OSGEP: variants seen among roughly 807,000 people sequenced by gnomAD.
OSGEP encodes the protein tRNA N6-adenosine threonylcarbamoyltransferase.
OSGEP carries 39 observed loss-of-function variants against 44.1 expected under a neutral mutation model. That is an observed-to-expected ratio of 0.88 (90% CI 0.69 to 1.16). OSGEP has a LOEUF of 1.16. Among genes scored for constraint, OSGEP ranks in the 50% most tolerant of loss-of-function variants. The probability of loss-of-function intolerance (pLI) is 0.00; values close to 1 mark genes in which losing one functional copy is unlikely to be tolerated. For synonymous variants in OSGEP, 139 were observed against 161.9 expected (o/e 0.86, Z 1.07); for missense variants, 403 against 443.1 (o/e 0.91, Z 0.81).
At position 20,452,062 on chromosome 14, in the gene OSGEP, T is replaced by G. The variant is rs1594408776; in HGVS notation, c.323A>C (p.Asn108Thr). ...QLWNKPLVGVNHCIGHIEMGR... is the reference protein window; with the variant it reads ...QLWNKPLVGVTHCIGHIEMGR... ...CATCTCAATGTGGCCTATACAGTGG[T>G]TCACACCCACCAATGGCTTATTCCA... The change falls in exon 3 of 11, where the codon AAC (asparagine) becomes ACC (threonine). Residue 108 changes from asparagine to threonine, a missense_variant. By Grantham distance (65) the Asn-to-Thr change is moderately conservative. Coordinates refer to ENST00000206542, the MANE Select transcript of OSGEP (RefSeq NM_017807.4). The G allele has an allele frequency of 1.2e-6, 2 of 1,613,912 alleles. No homozygotes were observed. The highest frequency in any genetic ancestry group is 1.7e-6 in the Non-Finnish European group (2 of 1,180,000).
rs761723895 is a variant in OSGEP at position 20,450,045 on chromosome 14, CT to C, written c.412-780del. ...ATTCACTTAAGGCCATTTTTCTTTT[CT>C]TTTTTTTTTTTTTCTGAGACAGAGT... On this transcript the variant is annotated intron_variant, in intron 3 of 10. Coordinates refer to ENST00000206542, the MANE Select transcript of OSGEP (RefSeq NM_017807.4). 3.1e-4 allele frequency: 28 copies of C among 89,796 alleles called. 1 individual carries two copies. Among genetic ancestry groups the C allele is most frequent in the East Asian group, 1.0e-3 (4 of 3,822 alleles). The allele number at this position is 89,796 out of a possible 1,614,324, so 5.6% of individuals were successfully genotyped here. A position where few individuals can be genotyped will look rare whatever the true frequency, so the allele number is the denominator to read the frequency against.
intron 1 of OSGEP, 28 bp downstream of exon 1, chr14:20,454,541 A>G: frequency 6.7e-7 from 1 of 1,488,536 alleles, no homozygotes; most frequent in Non-Finnish European, 9.4e-7. Flanking sequence ...AAGTGCGCGG[A>G]AAACTCTTAA....
At position 20,446,482 on chromosome 14, in the gene OSGEP, G is replaced by A. The variant is rs1880948320; in HGVS notation, c.*758C>T. 1 of 152,210 alleles carries A rather than the reference G, an allele frequency of 6.6e-6. No homozygotes were observed. The highest frequency in any genetic ancestry group is 2.4e-5 in the African/African-American group (1 of 41,432). The allele number at this position is 152,210 out of a possible 1,614,324, so 9.4% of individuals were successfully genotyped here. A position where few individuals can be genotyped will look rare whatever the true frequency, so the allele number is the denominator to read the frequency against. On this transcript the variant is annotated 3_prime_UTR_variant, in exon 11 of 11. Transcript: ENST00000206542. The stretch of plus-strand genomic sequence containing the variant: ...GACAAGGTTTTGTTCTGTCACTCAG[G>A]CTGGAATGCAGTGGCTCAATCACAG...
Position 20,447,171 on chromosome 14 carries a change from T to G in OSGEP, c.*69A>C. ...TGCTAGGACTCCCATGACATCAGGA[T>G]AGAGATTGAGGCACGGGGTCCTTTG... On this transcript the variant is annotated 3_prime_UTR_variant, in exon 11 of 11. Transcript: ENST00000206542. The G allele has an allele frequency of 5.2e-6, 7 of 1,337,762 alleles. No individual in the cohort carries two copies. Among genetic ancestry groups the G allele is most frequent in the Non-Finnish European group, 7.5e-6 (7 of 928,368 alleles). 82.9% of individuals were successfully genotyped at this position (1,337,762 alleles called of 1,614,324 possible).
intron 3 of OSGEP, 140 bp from the exon 4 acceptor site, chr14:20,449,406 G>T: frequency 1.5e-6 from 1 of 650,774 alleles, no homozygotes. Flanking sequence ...CCCAAATGGT[G>T]AATGGGTAGT....
At chr14:20,449,624 A>G (rs953526761) in intron 3 of OSGEP, 3 of 256,588 alleles carry the variant, frequency 1.2e-5, no homozygotes, top group Admixed American at 5.0e-5. Flanking sequence ...GAATCCTTCT[A>G]AATTATGACA....
chr14:20,448,254 G>A (rs900597605), intron 6 of OSGEP, 83 bp from the exon 7 acceptor site: 1 of 1,083,596 alleles, frequency 9.2e-7, no homozygotes, highest in Non-Finnish European at 1.4e-6. Context: ...CATTCGGAGG[G>A]TCATCATGTT....
chr14:20,449,346 G>C (rs1594407479), intron 3 of OSGEP, 80 bp from the exon 4 acceptor site: 3 of 837,284 alleles, frequency 3.6e-6, no homozygotes, highest in Non-Finnish European at 6.2e-6. Context: ...CATAGCAGAG[G>C]ATCAACATGA....
At position 20,447,666 on chromosome 14, in the gene OSGEP, A is replaced by G. The variant is rs1880983070; in HGVS notation, c.818T>C (p.Met273Thr). 1.9e-6 allele frequency: 3 copies of G among 1,614,060 alleles called. No homozygotes were observed. The highest frequency in any genetic ancestry group is 1.3e-5 in the African/African-American group (1 of 75,050). Residue 273 changes from methionine to threonine, a missense_variant, in exon 9 of 11, where the codon ATG becomes ACG. Transcript: ENST00000206542. ...TCCACGTTCCTGGCACATTGTTGCC[A>G]TCATCTCCTGTAGCCTCACATTACC... ...VGCNVRLQEM[M>T]ATMCQERGAR...
chr14:20,453,746 G>T (rs747681930), intron 1 of OSGEP, among the ~76,000 whole-genome samples: 4 of 152,286 alleles, frequency 2.6e-5, no homozygotes, highest in African/African-American at 9.6e-5. Flanking sequence ...GACCAGGCCC[G>T]AGCGGTGGCT....
rs758695968 is a variant in OSGEP, at chr14:20,449,200, A to T, written c.478T>A (p.Cys160Ser). The stretch of plus-strand genomic sequence containing the variant: ...AGCACTCGAGCAAAACGATCCAGAC[A>T]ATTACCCACTGCAATATCGATGGTT... ...GETIDIAVGNCLDRFARVLKI... is the reference protein window; with the variant it reads ...GETIDIAVGNSLDRFARVLKI... The change falls in exon 4 of 11, where the codon TGT (cysteine) becomes AGT (serine). Residue 160 changes from cysteine to serine, a missense_variant. Coordinates refer to ENST00000206542, the MANE Select transcript of OSGEP (RefSeq NM_017807.4). The T allele has an allele frequency of 6.2e-7, 1 of 1,613,198 alleles. No individual in the cohort carries two copies. Among genetic ancestry groups the T allele is most frequent in the Non-Finnish European group, 8.5e-7 (1 of 1,179,108 alleles).
intron 4 of OSGEP, 59 bp from the exon 5 acceptor site, chr14:20,449,072 G>A: frequency 1.3e-6 from 2 of 1,521,048 alleles, no homozygotes; most frequent in East Asian, 2.3e-5. Context: ...CAGATATGCA[G>A]GAAGCATAAG....
Position 20,448,127 on chromosome 14 carries a change from C to A in OSGEP, c.681G>T (p.Glu227Asp). Reference protein sequence around the residue: ...RMLATGECTPEDLCFSLQETV... With the variant: ...RMLATGECTPDDLCFSLQETV... ...TTACCTGCAGGGAGAAACACAGATCCTCAGGAGTACACTCGCCTGTGGCCA... is the reference window on the plus strand; with the variant it reads ...TTACCTGCAGGGAGAAACACAGATCATCAGGAGTACACTCGCCTGTGGCCA... Residue 227 changes from glutamate (E) to aspartate (D), a missense_variant, in exon 7 of 11, where the codon GAG (glutamate) becomes GAT (aspartate). Physicochemically the swap from Glu to Asp is conservative, Grantham distance 45. Transcript: ENST00000206542. The A allele has an allele frequency of 1.2e-6, 2 of 1,613,664 alleles. No homozygotes were observed. Among genetic ancestry groups the A allele is most frequent in the Non-Finnish European group, 1.7e-6 (2 of 1,179,542 alleles).
Position 20,454,789 on chromosome 14 carries a change from G to T in OSGEP, c.-106C>A. Reference sequence around the variant, plus strand: ...CGCAGCTTTCCGGAGCGCAGAGGAAGCTGGCCAGCCTGCAGATAGCACTGG... The same window carrying T: ...CGCAGCTTTCCGGAGCGCAGAGGAATCTGGCCAGCCTGCAGATAGCACTGG... On this transcript the variant is annotated 5_prime_UTR_variant, in exon 1 of 11. Transcript: ENST00000206542. The T allele has an allele frequency of 1.2e-6, 1 of 804,114 alleles. No homozygotes were observed. The highest frequency in any genetic ancestry group is 2.0e-6 in the Non-Finnish European group (1 of 493,526). 49.8% of individuals were successfully genotyped at this position (804,114 alleles called of 1,614,324 possible). A position where few individuals can be genotyped will look rare whatever the true frequency, so the allele number is the denominator to read the frequency against.
At chr14:20,449,460 T>C (rs1881039943) in intron 3 of OSGEP, 194 bp from the exon 4 acceptor site, 2 of 566,802 alleles carry the variant, frequency 3.5e-6, no homozygotes, top group Admixed American at 3.0e-5. Context: ...ACCCTGAGGA[T>C]TCCAGGAACA....
intron 1 of OSGEP, among the ~76,000 whole-genome samples, chr14:20,454,209 C>G (rs1311037900): frequency 4.6e-5 from 7 of 152,034 alleles, no homozygotes; most frequent in Non-Finnish European, 8.8e-5. Flanking sequence ...TTCAGGGCAA[C>G]TGGAATCTAT....
rs528506377 is a variant in OSGEP at position 20,447,443 on chromosome 14, C to G, written c.947G>C (p.Ser316Thr). ...MFRAGHRTPLSDSGVTQRYRT... is the reference protein window; with the variant it reads ...MFRAGHRTPLTDSGVTQRYRT... ...TCACCTCTGTGTAACCCCAGAATCA[C>G]TGAGTGGGGTCCTGTGTCCAGCCCG... The change falls in exon 10 of 11, where the codon AGT (serine) becomes ACT (threonine). Residue 316 changes from serine to threonine, a missense_variant. Ser to Thr is a moderately conservative substitution (Grantham distance 58). Coordinates refer to ENST00000206542, the MANE Select transcript of OSGEP (RefSeq NM_017807.4). The G allele has an allele frequency of 2.5e-6, 4 of 1,613,908 alleles. No homozygotes were observed. Among genetic ancestry groups the G allele is most frequent in the Non-Finnish European group, 3.4e-6 (4 of 1,179,792 alleles).
In OSGEP at chr14:20,447,438, A is replaced by C. The variant is rs1272761745; in HGVS notation, c.952T>G (p.Ser318Ala). ...RAGHRTPLSD[S>A]GVTQRYRTDE... ...ATCACTCACCTCTGTGTAACCCCAG[A>C]ATCACTGAGTGGGGTCCTGTGTCCA... Residue 318 changes from serine (S) to alanine (A), a missense_variant, in exon 10 of 11, where the codon TCT becomes GCT. By Grantham distance (99) the Ser-to-Ala change is moderately conservative. Transcript: ENST00000206542. The C allele has an allele frequency of 6.2e-7, 1 of 1,613,660 alleles. No homozygotes were observed. The highest frequency in any genetic ancestry group is 1.7e-5 in the Admixed American group (1 of 60,000).
rs765292969 is a variant in OSGEP at position 20,447,660 on chromosome 14, G to A, written c.824C>T (p.Thr275Ile). 7 of 1,613,870 alleles carry A rather than the reference G, an allele frequency of 4.3e-6. No homozygotes were observed. The African/African-American group carries it at 5.3e-5, about 12-fold the overall frequency. Residue 275 changes from threonine to isoleucine, a missense_variant, in exon 9 of 11, where the codon ACA becomes ATA. Coordinates refer to ENST00000206542, the MANE Select transcript of OSGEP (RefSeq NM_017807.4). ...CCGGGCTCCACGTTCCTGGCACATTGTTGCCATCATCTCCTGTAGCCTCAC... is the reference window on the plus strand; with the variant it reads ...CCGGGCTCCACGTTCCTGGCACATTATTGCCATCATCTCCTGTAGCCTCAC... ...CNVRLQEMMA[T>I]MCQERGARLF... is the part of the protein sequence containing the mutation.
Sources: allele counts gnomAD v4.1 joint callset (sites outside exome capture counted in the v4.1 genomes callset), GRCh38; gene constraint gnomAD v4.1.1; transcripts MANE v1.5; gene names NCBI Gene and HGNC (gene_info 2026-07-23, HGNC 2026-07-21).